The following CNTN5 variants were observed in gnomAD, a reference collection of about 807,000 sequenced individuals.
CNTN5 encodes the protein contactin-5.
In CNTN5, 77 loss-of-function variants were observed where a neutral mutation model predicts 129.1. The ratio of observed to expected loss-of-function variants is 0.60; its 90% CI spans 0.50 to 0.72. The LOEUF is 0.72. Among genes scored for constraint, CNTN5 ranks in the 30% least tolerant of loss-of-function variants. The pLI is 0.00. For synonymous variants in CNTN5, 509 were observed against 465.6 expected (o/e 1.09, Z -1.20); for missense variants, 1,478 against 1,328.8 (o/e 1.11, Z -1.75).
intron 2 of CNTN5, among the ~76,000 whole-genome samples, chr11:99,458,543 T>C (rs1360800243): frequency 6.6e-6 from 1 of 152,010 alleles, no homozygotes; most frequent in East Asian, 1.9e-4. Flanking sequence ...ATATCTATTA[T>C]GGATTTGTTA....
chr11:99,636,230 A>C (rs1004270700), intron 3 of CNTN5, among the ~76,000 whole-genome samples: 14 of 152,214 alleles, frequency 9.2e-5, no homozygotes, highest in Admixed American at 3.3e-4. Flanking sequence ...CATTTTCAGT[A>C]CTATAGTTAT....
At chr11:99,382,153 A>G (rs970357218) in intron 2 of CNTN5, among the ~76,000 whole-genome samples, 5 of 152,136 alleles carry the variant, frequency 3.3e-5, no homozygotes, top group Non-Finnish European at 5.9e-5. Flanking sequence ...CCTATGCTTG[A>G]CCTAATGACC....
chr11:99,932,334 A>C (rs914709650), intron 7 of CNTN5, among the ~76,000 whole-genome samples: 1 of 152,082 alleles, frequency 6.6e-6, no homozygotes, highest in African/African-American at 2.4e-5. Flanking sequence ...CTGAGATTGC[A>C]GGCACCCACC....
intron 13 of CNTN5, among the ~76,000 whole-genome samples, chr11:100,133,718 C>T (rs1274570134): frequency 1.3e-5 from 2 of 152,048 alleles, no homozygotes; most frequent in East Asian, 3.9e-4. Flanking sequence ...AGCTTGACCC[C>T]CTTTACCATA....
chr11:99,584,719 G>T (rs1299325788), intron 3 of CNTN5, among the ~76,000 whole-genome samples: 1 of 152,242 alleles, frequency 6.6e-6, no homozygotes, highest in African/African-American at 2.4e-5. Flanking sequence ...CAGAAGTACA[G>T]TGGCTGCCTC....
At chr11:99,585,738 G>A (rs1191432377) in intron 3 of CNTN5, among the ~76,000 whole-genome samples, 1 of 152,110 alleles carries the variant, frequency 6.6e-6, no homozygotes, top group African/African-American at 2.4e-5. Flanking sequence ...CGTAGACACT[G>A]GAATGAAGAT....
intron 2 of CNTN5, among the ~76,000 whole-genome samples, chr11:99,485,838 T>C (rs1350221333): frequency 6.6e-6 from 1 of 152,060 alleles, no homozygotes; most frequent in Non-Finnish European, 1.5e-5. Context: ...ATGAGTATAA[T>C]ACTCAATGTA....
intron 1 of CNTN5, among the ~76,000 whole-genome samples, chr11:99,107,897 C>T (rs1008159168): frequency 1.4e-5 from 2 of 145,240 alleles, no homozygotes; most frequent in Admixed American, 1.4e-4. Flanking sequence ...CACCACTGCA[C>T]TCCAGCCTGG....
chr11:99,693,986 A>T (rs984504988), intron 3 of CNTN5, among the ~76,000 whole-genome samples: 3 of 152,144 alleles, frequency 2.0e-5, no homozygotes, highest in Non-Finnish European at 4.4e-5. Context: ...CAGATCTTGA[A>T]TCTGAGATCA....
chr11:100,161,677 T>C (rs1238380965), intron 13 of CNTN5, among the ~76,000 whole-genome samples: 1 of 151,786 alleles, frequency 6.6e-6, no homozygotes, highest in Non-Finnish European at 1.5e-5. Context: ...ATAATACTTA[T>C]ATCAAAAAAG....
chr11:99,061,860 C>G (rs1864893131), intron 1 of CNTN5, among the ~76,000 whole-genome samples: 1 of 151,796 alleles, frequency 6.6e-6, no homozygotes, highest in African/African-American at 2.4e-5. Flanking sequence ...GGCATGGTGT[C>G]ACACATCTGT....
At chr11:99,433,369 AAATGTGTG>A (rs1943468960) in intron 2 of CNTN5, among the ~76,000 whole-genome samples, 1 of 30,100 alleles carries the variant, frequency 3.3e-5, no homozygotes, top group Non-Finnish European at 8.9e-5. Flanking sequence ...GGTAAAAAAA[AAATGTGTG>A]TGTGTGTGTG....
intron 3 of CNTN5, among the ~76,000 whole-genome samples, chr11:99,742,103 T>C (rs573156877): frequency 1.2e-4 from 19 of 152,302 alleles, no homozygotes; most frequent in Non-Finnish European, 2.4e-4. Flanking sequence ...TTAGTCCATG[T>C]AATTATAACA....
intron 2 of CNTN5, among the ~76,000 whole-genome samples, chr11:99,534,216 TA>T (rs747299043): frequency 3.0e-4 from 46 of 152,160 alleles, no homozygotes; most frequent in Non-Finnish European, 5.9e-4. Flanking sequence ...CTGAGTATAT[TA>T]AAAATACAGT....
intron 17 of CNTN5, among the ~76,000 whole-genome samples, chr11:100,257,744 C>T (rs1950106181): frequency 6.6e-6 from 1 of 152,200 alleles, no homozygotes; most frequent in South Asian, 2.1e-4. Context: ...ATAGCATCAA[C>T]ATTAACAAAA....
At chr11:99,129,440 C>G (rs1165478535) in intron 1 of CNTN5, among the ~76,000 whole-genome samples, 1 of 151,932 alleles carries the variant, frequency 6.6e-6, no homozygotes, top group Non-Finnish European at 1.5e-5. Context: ...AGAAAACAAA[C>G]CTCTGAGAAC....
At chr11:100,077,682 CAACTT>C (rs1020766577) in intron 13 of CNTN5, among the ~76,000 whole-genome samples, 7 of 151,562 alleles carry the variant, frequency 4.6e-5, no homozygotes, top group African/African-American at 1.7e-4. Flanking sequence ...GAAGAAAAAA[CAACTT>C]AAATAAATAG....
At chr11:99,972,572 A>T (rs1951293501) in intron 8 of CNTN5, among the ~76,000 whole-genome samples, 1 of 151,256 alleles carries the variant, frequency 6.6e-6, no homozygotes, top group Admixed American at 6.6e-5. Flanking sequence ...GTCTTCCCAG[A>T]ACCACACCCA....
intron 1 of CNTN5, among the ~76,000 whole-genome samples, chr11:99,032,668 C>T (rs1863458220): frequency 6.6e-6 from 1 of 151,516 alleles, no homozygotes; most frequent in Non-Finnish European, 1.5e-5. Context: ...TGGATATTAG[C>T]CCTTTGTCAG....
Sources: allele counts gnomAD v4.1 joint callset (sites outside exome capture counted in the v4.1 genomes callset), GRCh38; gene constraint gnomAD v4.1.1; transcripts MANE v1.5; gene names NCBI Gene and HGNC (gene_info 2026-07-23, HGNC 2026-07-21).